Variants in RNF150 observed in about 807,000 individuals in gnomAD.
RNF150 encodes ring finger protein 150.
RNF150 carries 24 observed loss-of-function variants against 39.3 expected under a neutral mutation model. That is an observed-to-expected ratio of 0.61 (90% CI 0.44 to 0.86). The LOEUF is 0.86. Ranked by LOEUF, RNF150 falls within the 40% of genes least tolerant of loss-of-function variation. RNF150 has a pLI of 0.00. For synonymous variants in RNF150, 255 were observed against 227.3 expected, an observed-to-expected ratio of 1.12 and a Z score of -1.10; for missense variants, 502 against 587.8, an observed-to-expected ratio of 0.85 and a Z score of 1.51.
chr4:140,880,991 C>T (rs1729352931), intron 6 of RNF150, among the ~76,000 whole-genome samples: 1 of 151,910 alleles, frequency 6.6e-6, no homozygotes, highest in African/African-American at 2.4e-5. Flanking sequence ...ATTCCATTGT[C>T]TTTCTATTCT....
At chr4:140,999,998 A>G (rs1397586834) in intron 1 of RNF150, among the ~76,000 whole-genome samples, 2 of 37,244 alleles carry the variant, frequency 5.4e-5, no homozygotes, top group Non-Finnish European at 1.3e-4. Context: ...GAAGAAAAGA[A>G]GAAGAAGAAG....
chr4:141,045,333 A>G (rs1197136989), intron 1 of RNF150, among the ~76,000 whole-genome samples: 1 of 152,180 alleles, frequency 6.6e-6, no homozygotes, highest in Non-Finnish European at 1.5e-5. Flanking sequence ...CAAATATAAC[A>G]AAGCCTAAAT....
intron 1 of RNF150, among the ~76,000 whole-genome samples, chr4:141,034,086 T>G (rs897048443): frequency 6.6e-6 from 1 of 152,204 alleles, no homozygotes; most frequent in African/African-American, 2.4e-5. Context: ...GATGGCACTT[T>G]CTTCCAGTGT....
intron 1 of RNF150, among the ~76,000 whole-genome samples, chr4:141,086,437 C>T (rs1309311888): frequency 6.6e-6 from 1 of 151,894 alleles, no homozygotes; most frequent in Admixed American, 6.6e-5. Context: ...CCTATTAATG[C>T]TTTTGCTTTA....
intron 1 of RNF150, among the ~76,000 whole-genome samples, chr4:141,212,533 C>A (rs1728487374): frequency 6.6e-6 from 1 of 152,064 alleles, no homozygotes; most frequent in African/African-American, 2.4e-5. Flanking sequence ...TTTTTCCCAC[C>A]CTACTTAGAT....
At chr4:141,079,691 C>T (rs1163038262) in intron 1 of RNF150, among the ~76,000 whole-genome samples, 7 of 152,168 alleles carry the variant, frequency 4.6e-5, no homozygotes, top group Admixed American at 4.6e-4. Context: ...ACTTTAAATC[C>T]TACCACTTAT....
chr4:140,954,935 ATTTG>A, intron 2 of RNF150, among the ~76,000 whole-genome samples: 1 of 152,214 alleles, frequency 6.6e-6, no homozygotes, highest in African/African-American at 2.4e-5. Context: ...TCTGTATCAT[ATTTG>A]TTTTTTTCCC....
chr4:140,991,011 G>A (rs556577499), intron 1 of RNF150, among the ~76,000 whole-genome samples: 1 of 152,182 alleles, frequency 6.6e-6, no homozygotes, highest in South Asian at 2.1e-4. Context: ...TTTCTTGACT[G>A]TTTAATAATA....
intron 2 of RNF150, among the ~76,000 whole-genome samples, chr4:140,966,330 C>T (rs112679307): frequency 0.048 from 7,301 of 151,860 alleles, 254 homozygotes; most frequent in African/African-American, 0.093. Flanking sequence ...ACACAGTGAG[C>T]GAGACTCCAT....
At chr4:140,977,394 G>C (rs1029315118) in intron 1 of RNF150, among the ~76,000 whole-genome samples, 27 of 152,094 alleles carry the variant, frequency 1.8e-4, no homozygotes, top group Non-Finnish European at 7.4e-5. Flanking sequence ...TCTTAAACTG[G>C]AGCATCTGTG....
chr4:141,076,389 G>A (rs186812803), intron 1 of RNF150, among the ~76,000 whole-genome samples: 44 of 152,240 alleles, frequency 2.9e-4, no homozygotes, highest in African/African-American at 1.0e-3. Flanking sequence ...ACAGTTGCCT[G>A]TAACCTCTTC....
intron 1 of RNF150, among the ~76,000 whole-genome samples, chr4:141,197,107 T>C (rs1019896255): frequency 6.6e-6 from 1 of 152,222 alleles, no homozygotes; most frequent in Non-Finnish European, 1.5e-5. Context: ...TTTATCTGAG[T>C]TGTAGCTTTT....
chr4:141,124,251 G>A (rs975670295), intron 1 of RNF150, among the ~76,000 whole-genome samples: 7 of 152,208 alleles, frequency 4.6e-5, no homozygotes, highest in Non-Finnish European at 1.0e-4. Context: ...TCTGATGCCA[G>A]GGCTCTGACA....
chr4:140,982,277 C>G (rs1240613786), intron 1 of RNF150, among the ~76,000 whole-genome samples: 3 of 152,042 alleles, frequency 2.0e-5, no homozygotes, highest in Admixed American at 6.6e-5. Context: ...TATTCATCAT[C>G]ATCACTGAAC....
rs564568472 is a variant in RNF150 at position 141,048,598 on chromosome 4, T to C, written c.485-80725A>G. 1.8e-4 allele frequency among the ~76,000 whole-genome samples: 27 copies of C among 152,170 alleles called. No homozygotes were observed. The South Asian group carries it at 4.4e-3, about 25-fold the overall frequency. On this transcript the variant is annotated intron_variant, in intron 1 of 6. Coordinates refer to ENST00000515673, the MANE Select transcript of RNF150 (RefSeq NM_020724.2). The stretch of plus-strand genomic sequence containing the variant: ...AAATTTAAAAATTAACCAGGCATGG[T>C]AGTGTGTGACTATAGTCCTGACTAG...
rs554370097 is a variant in RNF150, at chr4:141,078,349, G to C, written c.484+53976C>G. Among the ~76,000 whole-genome samples the C allele has an allele frequency of 4.6e-5, 7 of 152,226 alleles. No individual in the cohort carries two copies. The East Asian group carries it at 1.2e-3, about 25-fold the overall frequency. On this transcript the variant is annotated intron_variant, in intron 1 of 6. Transcript: ENST00000515673. The stretch of plus-strand genomic sequence containing the variant: ...TCAGAAGACTGAGCAATTTTGAAAC[G>C]GTGTACTGGGGGAGGAGTGGGGCTC...
intron 1 of RNF150, among the ~76,000 whole-genome samples, chr4:140,994,691 G>A (rs1734307347): frequency 6.6e-6 from 1 of 152,176 alleles, no homozygotes; most frequent in Non-Finnish European, 1.5e-5. Flanking sequence ...CTGAGCACAG[G>A]CAGCACTGAA....
In RNF150 at chr4:140,880,423, G is replaced by A. The variant is rs541074429; in HGVS notation, c.1199-12044C>T. On this transcript the variant is annotated intron_variant, in intron 6 of 6. Transcript: ENST00000515673. Reference sequence around the variant, plus strand: ...TCCTCATATTTTGTCAAAGATTTTTGCATCAATATTTATTGGTTATATTGG... The same window carrying A: ...TCCTCATATTTTGTCAAAGATTTTTACATCAATATTTATTGGTTATATTGG... 1.7e-4 allele frequency among the ~76,000 whole-genome samples: 26 copies of A among 151,802 alleles called. No individual in the cohort carries two copies. In the South Asian group the frequency reaches 3.5e-3, roughly 21 times the overall value.
intron 1 of RNF150, among the ~76,000 whole-genome samples, chr4:141,106,808 T>C (rs1010366095): frequency 6.6e-6 from 1 of 151,822 alleles, no homozygotes; most frequent in Non-Finnish European, 1.5e-5. Flanking sequence ...AAAAATAATA[T>C]ATATATATTA....
Sources: allele counts gnomAD v4.1 joint callset (sites outside exome capture counted in the v4.1 genomes callset), GRCh38; gene constraint gnomAD v4.1.1; transcripts MANE v1.5; gene names NCBI Gene and HGNC (gene_info 2026-07-23, HGNC 2026-07-21).